Variants in RBPJ observed in about 807,000 individuals in gnomAD.
RBPJ encodes recombination signal binding protein for immunoglobulin kappa J region.
Under a neutral mutation model 67.8 loss-of-function variants are expected in RBPJ, and 9 were observed. The observed-to-expected ratio is 0.13, with a 90% confidence interval of 0.08 to 0.23. The LOEUF is 0.23. RBPJ is among the 10% of genes least tolerant of loss of function. The pLI is 1.00. For missense variants in RBPJ, 305 were observed against 595.6 expected, an observed-to-expected ratio of 0.51 and a Z score of 5.08; for synonymous variants, 198 against 203.3, an observed-to-expected ratio of 0.97 and a Z score of 0.22.
intron 1 of RBPJ, among the ~76,000 whole-genome samples, chr4:26,210,291 C>A (rs1718339478): frequency 6.6e-6 from 1 of 152,126 alleles, no homozygotes; most frequent in Admixed American, 6.6e-5. Flanking sequence ...CGCACAGGAT[C>A]CCCTCCTCTT....
the RBPJ span, among the ~76,000 whole-genome samples, chr4:26,107,626 G>C: frequency 2.0e-5 from 3 of 152,164 alleles, no homozygotes; most frequent in Non-Finnish European, 4.4e-5. Context: ...GTCCAGGTGT[G>C]GGGGCTCACA....
chr4:26,172,021 G>A (rs1039679150), intron 1 of RBPJ, among the ~76,000 whole-genome samples: 4 of 152,320 alleles, frequency 2.6e-5, no homozygotes, highest in South Asian at 2.1e-4. Context: ...GGTTAAAATC[G>A]CCCCAGACTG....
intron 1 of RBPJ, among the ~76,000 whole-genome samples, chr4:26,289,605 C>T (rs559752980): frequency 3.3e-5 from 5 of 150,502 alleles, no homozygotes; most frequent in Admixed American, 2.0e-4. Flanking sequence ...GACTTTATCA[C>T]GTGGAGTTGT....
chr4:26,122,773 A>G, the RBPJ span, among the ~76,000 whole-genome samples: 1 of 152,184 alleles, frequency 6.6e-6, no homozygotes, highest in Non-Finnish European at 1.5e-5. Flanking sequence ...GAGAGGGAAC[A>G]TTGTAGACTC....
the RBPJ span, chr4:26,113,421 G>A: frequency 1.8e-6 from 1 of 546,322 alleles, no homozygotes; most frequent in South Asian, 1.8e-5. Flanking sequence ...TGTACTGAAT[G>A]GGGAAAAGCC....
At chr4:26,399,203 G>A (rs888607219) in intron 2 of RBPJ, among the ~76,000 whole-genome samples, 5 of 152,066 alleles carry the variant, frequency 3.3e-5, no homozygotes, top group Non-Finnish European at 7.4e-5. Context: ...TTGCTTCAGT[G>A]GTGTTGCCTC....
rs778022731 is a variant in RBPJ, at chr4:26,165,694, TA to T, written c.-167+2081del. ...TTTAAGGGGGTCCAGAAAAAACATA[TA>T]TTTTTTCATTTTTTTTCTTTTTTTT... On this transcript the variant is annotated intron_variant, in intron 1 of 4. Transcript: ENST00000512351. 1.0e-3 allele frequency among the ~76,000 whole-genome samples: 149 copies of T among 142,172 alleles called. 1 individual carries two copies. The highest frequency in any genetic ancestry group is 2.0e-3 in the Non-Finnish European group (123 of 63,026). The allele number at this position is 142,172 out of a possible 152,430, so 93.3% of individuals were successfully genotyped here.
intron 8 of RBPJ, among the ~76,000 whole-genome samples, chr4:26,429,237 T>A (rs1289380221): frequency 2.6e-5 from 4 of 152,350 alleles, no homozygotes; most frequent in East Asian, 3.9e-4. Flanking sequence ...CAAAATCTCA[T>A]CAGATTTATG....
At chr4:26,263,732 C>T (rs536114676) in intron 1 of RBPJ, among the ~76,000 whole-genome samples, 2 of 152,024 alleles carry the variant, frequency 1.3e-5, no homozygotes, top group South Asian at 4.1e-4. Flanking sequence ...CCACCACGCC[C>T]AGCTAATTTT....
intron 1 of RBPJ, among the ~76,000 whole-genome samples, chr4:26,242,705 TAAAAAAA>T (rs1025631996): frequency 7.0e-5 from 7 of 100,410 alleles, no homozygotes; most frequent in East Asian, 5.7e-4. Flanking sequence ...CACTCATAGT[TAAAAAAA>T]AAAAAAAAAA....
chr4:26,121,037 G>T, the RBPJ span, among the ~76,000 whole-genome samples: 1 of 151,826 alleles, frequency 6.6e-6, no homozygotes, highest in Non-Finnish European at 1.5e-5. Flanking sequence ...AGAAGCAGAG[G>T]GAGAGGGAAA....
intron 2 of RBPJ, among the ~76,000 whole-genome samples, chr4:26,405,348 G>A (rs145423247): frequency 6.6e-6 from 1 of 152,264 alleles, no homozygotes; most frequent in East Asian, 1.9e-4. Flanking sequence ...TTTGGGATGT[G>A]TAAGACATCT....
chr4:26,214,831 AAAGG>A (rs1333258014), intron 1 of RBPJ, among the ~76,000 whole-genome samples: 9 of 129,462 alleles, frequency 7.0e-5, no homozygotes, highest in Admixed American at 7.6e-5. Context: ...AAAGAGAAAG[AAAGG>A]AAGGAAGGGA....
At chr4:26,299,974 C>T (rs758193226) in intron 1 of RBPJ, among the ~76,000 whole-genome samples, 27 of 152,108 alleles carry the variant, frequency 1.8e-4, no homozygotes, top group Non-Finnish European at 2.5e-4. Flanking sequence ...CGTGAGCCAC[C>T]GCGCCTGGCC....
At chr4:26,402,696 CT>C (rs1307178891) in intron 2 of RBPJ, among the ~76,000 whole-genome samples, 1 of 152,164 alleles carries the variant, frequency 6.6e-6, no homozygotes, top group African/African-American at 2.4e-5. Context: ...TCTCAGTTTC[CT>C]TTAATACATT....
At chr4:26,283,116 A>C (rs940789133) in intron 1 of RBPJ, among the ~76,000 whole-genome samples, 1 of 148,304 alleles carries the variant, frequency 6.7e-6, no homozygotes, top group African/African-American at 2.5e-5. Flanking sequence ...TTTTTAGTAG[A>C]GACAGGGTTT....
chr4:26,395,294 T>TA (rs1216752272), intron 2 of RBPJ, among the ~76,000 whole-genome samples: 1 of 151,874 alleles, frequency 6.6e-6, no homozygotes, highest in African/African-American at 2.4e-5. Context: ...TAAAAAAAAT[T>TA]AAAGAATTAG....
At position 26,267,620 on chromosome 4, in the gene RBPJ, T is replaced by C. The variant is rs889159933; in HGVS notation, c.-166-94826T>C. On this transcript the variant is annotated intron_variant, in intron 1 of 4. Coordinates refer to the RBPJ transcript ENST00000512351. ...TGTAATTTTTAAATTTATTTATTTATTTATTTTTTGAGATGGAGTCTCTGT... is the reference window on the plus strand; with the variant it reads ...TGTAATTTTTAAATTTATTTATTTACTTATTTTTTGAGATGGAGTCTCTGT... 8.5e-5 allele frequency among the ~76,000 whole-genome samples: 13 copies of C among 152,070 alleles called. 2 individuals carry two copies. The highest frequency in any genetic ancestry group is 5.9e-4 in the Admixed American group (9 of 15,264).
intron 4 of RBPJ, among the ~76,000 whole-genome samples, chr4:26,416,891 T>C (rs1410799369): frequency 1.3e-5 from 2 of 152,228 alleles, no homozygotes; most frequent in African/African-American, 4.8e-5. Flanking sequence ...TTTATAGTTT[T>C]TGTAAGTAAG....
Sources: allele counts gnomAD v4.1 joint callset (sites outside exome capture counted in the v4.1 genomes callset), GRCh38; gene constraint gnomAD v4.1.1; transcripts MANE v1.5; gene names NCBI Gene and HGNC (gene_info 2026-07-23, HGNC 2026-07-21).